AOPEP: variants seen among roughly 807,000 people sequenced by gnomAD.
The protein encoded by AOPEP is aminopeptidase O (putative).
In AOPEP, 77 loss-of-function variants were observed where a neutral mutation model predicts 98.1. That is an observed-to-expected ratio of 0.78 (90% CI 0.65 to 0.95). The LOEUF (loss-of-function observed/expected upper bound fraction) is 0.95. Among genes scored for constraint, AOPEP ranks in the 40% least tolerant of loss-of-function variants. AOPEP has a pLI of 0.00. For missense variants in AOPEP, 1,024 were observed against 1,024.7 expected (o/e 1.00, Z 0.01); for synonymous variants, 346 against 365.3 (o/e 0.95, Z 0.60).
chr9:94,902,545 C>T (rs2050548422), intron 5 of AOPEP, among the ~76,000 whole-genome samples: 1 of 152,150 alleles, frequency 6.6e-6, no homozygotes, highest in East Asian at 1.9e-4. Flanking sequence ...AGAATTTACC[C>T]AAGACATTAG....
At chr9:94,964,554 C>A (rs185772622) in intron 9 of AOPEP, among the ~76,000 whole-genome samples, 1 of 149,650 alleles carries the variant, frequency 6.7e-6, no homozygotes, top group African/African-American at 2.5e-5. Flanking sequence ...AATTACCAGG[C>A]AAATATAGGA....
chr9:94,826,383 A>T (rs1326630621), intron 5 of AOPEP, among the ~76,000 whole-genome samples: 1 of 152,226 alleles, frequency 6.6e-6, no homozygotes, highest in Non-Finnish European at 1.5e-5. Flanking sequence ...TGAGCAGCAC[A>T]GGTACAGAGC....
At chr9:95,013,690 A>G (rs1317497841) in intron 13 of AOPEP, among the ~76,000 whole-genome samples, 2 of 152,200 alleles carry the variant, frequency 1.3e-5, no homozygotes, top group South Asian at 2.1e-4. Context: ...TAGAACAGCT[A>G]TAGTCCTGGT....
At chr9:95,081,739 T>C (rs1271173161) in intron 15 of AOPEP, among the ~76,000 whole-genome samples, 1 of 152,194 alleles carries the variant, frequency 6.6e-6, no homozygotes, top group African/African-American at 2.4e-5. Context: ...TATTTAGAAT[T>C]GTGATCTTTG....
At chr9:94,981,373 A>C (rs541510138) in intron 11 of AOPEP, among the ~76,000 whole-genome samples, 1 of 152,316 alleles carries the variant, frequency 6.6e-6, no homozygotes, top group East Asian at 1.9e-4. Context: ...TGCTGTCAAA[A>C]CAGCCAGGTG....
At chr9:94,782,865 T>C (rs979839748) in intron 3 of AOPEP, among the ~76,000 whole-genome samples, 2 of 152,214 alleles carry the variant, frequency 1.3e-5, no homozygotes, top group African/African-American at 4.8e-5. Context: ...TGACTAGTTC[T>C]TGCTTACCCT....
At chr9:95,086,645 G>A (rs1273298827) in intron 16 of AOPEP, 37 bp from the exon 17 acceptor site, 1 of 987,450 alleles carries the variant, frequency 1.0e-6, no homozygotes, top group African/African-American at 1.7e-5. Flanking sequence ...TCCTCCCGGT[G>A]ACTGGGTAAT....
At chr9:95,091,792 C>T (rs185521314), downstream of AOPEP, among the ~76,000 whole-genome samples, 93 of 152,260 alleles carry the variant, frequency 6.1e-4, no homozygotes, top group African/African-American at 2.2e-3. Context: ...GAAAGGCCGG[C>T]AGCCGAGCCT....
At chr9:95,095,510 C>G in the AOPEP span, among the ~76,000 whole-genome samples, 1 of 152,198 alleles carries the variant, frequency 6.6e-6, no homozygotes, top group Non-Finnish European at 1.5e-5. Flanking sequence ...TCATGTGCTG[C>G]AAATACTTCT....
At chr9:95,046,588 G>A (rs992587220) in intron 13 of AOPEP, among the ~76,000 whole-genome samples, 2 of 152,214 alleles carry the variant, frequency 1.3e-5, no homozygotes, top group African/African-American at 4.8e-5. Context: ...GGGGAGTGTT[G>A]TGTGCTGTAC....
At chr9:95,038,023 G>A (rs1483812607) in intron 13 of AOPEP, among the ~76,000 whole-genome samples, 2 of 152,136 alleles carry the variant, frequency 1.3e-5, no homozygotes, top group Admixed American at 1.3e-4. Context: ...CTTCCATCCA[G>A]CTGTCTGTCC....
chr9:95,071,754 T>G (rs1262665873), intron 14 of AOPEP, among the ~76,000 whole-genome samples: 1 of 152,202 alleles, frequency 6.6e-6, no homozygotes, highest in Non-Finnish European at 1.5e-5. Context: ...TGAATGATGT[T>G]TATTTTTCAG....
rs549426906 is a variant in AOPEP, at chr9:94,751,187, G to A, written c.-135-8462G>A. The stretch of plus-strand genomic sequence containing the variant: ...GCTCAATGCCATTCCCTTCTTCCAC[G>A]TGTTGGCGCCTTACAGTTCTTGTCA... On this transcript the variant is annotated intron_variant, in intron 1 of 16. Coordinates refer to ENST00000375315, the MANE Select transcript of AOPEP (RefSeq NM_001193329.3). Among the ~76,000 whole-genome samples the A allele has an allele frequency of 1.4e-4, 21 of 152,198 alleles. No homozygotes were observed. In the South Asian group the frequency reaches 3.5e-3, roughly 26 times the overall value.
chr9:95,148,557 A>T, the AOPEP span, among the ~76,000 whole-genome samples: 1 of 152,252 alleles, frequency 6.6e-6, no homozygotes, highest in Admixed American at 6.5e-5. Flanking sequence ...CATAAGCTTG[A>T]CAGCTTCCCA....
At chr9:95,052,126 A>G (rs1459872522) in intron 13 of AOPEP, among the ~76,000 whole-genome samples, 3 of 152,238 alleles carry the variant, frequency 2.0e-5, no homozygotes, top group Non-Finnish European at 4.4e-5. Flanking sequence ...AAATTCTTTT[A>G]AATCACCAGA....
chr9:95,088,202 C>CT (rs199845401), downstream of AOPEP, among the ~76,000 whole-genome samples: 52 of 148,144 alleles, frequency 3.5e-4, no homozygotes, highest in East Asian at 4.1e-3. Flanking sequence ...GTGCTGCTGC[C>CT]TTTTTTTTTT....
intron 13 of AOPEP, among the ~76,000 whole-genome samples, chr9:95,052,872 T>C (rs1006805836): frequency 6.6e-6 from 1 of 152,224 alleles, no homozygotes; most frequent in South Asian, 2.1e-4. Flanking sequence ...CCTATATATC[T>C]GTTTACAGAA....
At chr9:94,793,442 G>T (rs1846201384) in intron 4 of AOPEP, among the ~76,000 whole-genome samples, 1 of 152,140 alleles carries the variant, frequency 6.6e-6, no homozygotes, top group Non-Finnish European at 1.5e-5. Context: ...CACTTTGGGA[G>T]GCTGAGGCGG....
chr9:95,123,229 C>T, the AOPEP span: 9 of 210,506 alleles, frequency 4.3e-5, no homozygotes, highest in African/African-American at 1.4e-4. Context: ...CTTGAGCCCA[C>T]GAAGCCAAAG....
Sources: allele counts gnomAD v4.1 joint callset (sites outside exome capture counted in the v4.1 genomes callset), GRCh38; gene constraint gnomAD v4.1.1; transcripts MANE v1.5; gene names NCBI Gene and HGNC (gene_info 2026-07-23, HGNC 2026-07-21).